Variants in SLC24A2 observed in about 807,000 individuals in gnomAD.
The protein encoded by SLC24A2 is solute carrier family 24 member 2.
In SLC24A2, 36 loss-of-function variants were observed where a neutral mutation model predicts 62.0. That is an observed-to-expected ratio of 0.58 (90% confidence interval 0.44 to 0.77). The LOEUF is 0.77. Among genes scored for constraint, SLC24A2 ranks in the 30% least tolerant of loss-of-function variants. The pLI is 0.00. For missense variants in SLC24A2, 846 were observed against 817.9 expected, an observed-to-expected ratio of 1.03 and a Z score of -0.42; for synonymous variants, 358 against 294.0, an observed-to-expected ratio of 1.22 and a Z score of -2.23.
At chr9:19,702,521 A>T (rs1479601179) in intron 2 of SLC24A2, among the ~76,000 whole-genome samples, 5 of 152,296 alleles carry the variant, frequency 3.3e-5, no homozygotes, top group African/African-American at 9.6e-5. Context: ...TTTAAATTAC[A>T]TTTGAGTATT....
At chr9:19,877,350 G>A in the SLC24A2 span, among the ~76,000 whole-genome samples, 9 of 141,634 alleles carry the variant, frequency 6.4e-5, no homozygotes, top group African/African-American at 2.3e-4. Flanking sequence ...AGTGCCTCTA[G>A]AATCTGTAGG....
chr9:20,180,265 T>A, the SLC24A2 span, among the ~76,000 whole-genome samples: 1 of 152,194 alleles, frequency 6.6e-6, no homozygotes, highest in African/African-American at 2.4e-5. Context: ...ATTCAAGACT[T>A]GCTATTATGA....
At chr9:20,196,899 G>A in the SLC24A2 span, among the ~76,000 whole-genome samples, 2 of 152,114 alleles carry the variant, frequency 1.3e-5, no homozygotes, top group South Asian at 2.1e-4. Flanking sequence ...ATGCATATAT[G>A]CCTTGTATAA....
In SLC24A2 at chr9:19,662,434, T is replaced by C. The variant is rs544182746; in HGVS notation, c.931-40135A>G. 2.0e-5 allele frequency among the ~76,000 whole-genome samples: 3 copies of C among 152,308 alleles called. No individual in the cohort carries two copies. In the East Asian group the frequency reaches 5.8e-4, roughly 29 times the overall value. ...GACAGGGTAGTTCCTGGCACACAAG[T>C]GGACTCAAATACTTGTTGCTTTCAG... On this transcript the variant is annotated intron_variant, in intron 2 of 10. Coordinates refer to ENST00000341998, the MANE Select transcript of SLC24A2 (RefSeq NM_020344.4).
the SLC24A2 span, among the ~76,000 whole-genome samples, chr9:19,994,939 A>G: frequency 5.3e-5 from 8 of 152,224 alleles, no homozygotes; most frequent in South Asian, 4.1e-4. Context: ...TGGAGATATC[A>G]CTAATTAAAA....
At chr9:19,704,397 G>C (rs1820446171) in intron 2 of SLC24A2, among the ~76,000 whole-genome samples, 1 of 136,776 alleles carries the variant, frequency 7.3e-6, no homozygotes, top group African/African-American at 2.9e-5. Flanking sequence ...GGGAAAGAGA[G>C]AGAGAGAGTG....
At chr9:19,851,215 G>T in the SLC24A2 span, among the ~76,000 whole-genome samples, 1 of 149,216 alleles carries the variant, frequency 6.7e-6, no homozygotes, top group Non-Finnish European at 1.5e-5. Context: ...AGTAGAGATG[G>T]GGTTTCACGA....
At chr9:20,013,576 A>G in the SLC24A2 span, among the ~76,000 whole-genome samples, 16 of 152,234 alleles carry the variant, frequency 1.1e-4, no homozygotes, top group Non-Finnish European at 1.6e-4. Context: ...GCATCAAACT[A>G]AAAAGCTTTT....
chr9:20,093,018 T>G, the SLC24A2 span, among the ~76,000 whole-genome samples: 3 of 152,246 alleles, frequency 2.0e-5, no homozygotes, highest in Admixed American at 1.3e-4. Context: ...CTTATGTGAA[T>G]TGTATTTATA....
At chr9:20,152,534 T>C in the SLC24A2 span, among the ~76,000 whole-genome samples, 2 of 151,880 alleles carry the variant, frequency 1.3e-5, no homozygotes, top group African/African-American at 4.8e-5. Flanking sequence ...GGTGTGAACT[T>C]TCCCCATCCA....
At chr9:19,605,147 C>A (rs940443615) in intron 4 of SLC24A2, among the ~76,000 whole-genome samples, 1 of 152,152 alleles carries the variant, frequency 6.6e-6, no homozygotes. Flanking sequence ...GATCTGGTTA[C>A]GCAGGAGGAG....
chr9:20,203,627 T>C, the SLC24A2 span, among the ~76,000 whole-genome samples: 1 of 151,674 alleles, frequency 6.6e-6, no homozygotes, highest in South Asian at 2.1e-4. Context: ...AAGGGTCGCT[T>C]GGGGCCAAGA....
the SLC24A2 span, among the ~76,000 whole-genome samples, chr9:19,882,818 A>G: frequency 2.6e-5 from 4 of 152,190 alleles, no homozygotes; most frequent in Admixed American, 1.3e-4. Flanking sequence ...TAAAAATGTC[A>G]TCTTTTAATA....
At chr9:20,183,835 G>A in the SLC24A2 span, among the ~76,000 whole-genome samples, 1 of 152,152 alleles carries the variant, frequency 6.6e-6, no homozygotes, top group African/African-American at 2.4e-5. Context: ...TCAGAAGAGT[G>A]TAGATCAATG....
chr9:20,045,773 G>A, the SLC24A2 span, among the ~76,000 whole-genome samples: 41 of 152,180 alleles, frequency 2.7e-4, no homozygotes, highest in African/African-American at 7.5e-4. Flanking sequence ...TCTGCTGGCC[G>A]TCCATGCATG....
At chr9:19,580,569 G>T (rs1274953486) in intron 5 of SLC24A2, among the ~76,000 whole-genome samples, 2 of 152,210 alleles carry the variant, frequency 1.3e-5, no homozygotes, top group Non-Finnish European at 2.9e-5. Flanking sequence ...CCTTGGGGTA[G>T]GAAGACATGG....
At chr9:19,636,030 T>A (rs79193160) in intron 2 of SLC24A2, among the ~76,000 whole-genome samples, 1,531 of 152,352 alleles carry the variant, frequency 0.01, 30 homozygotes, top group African/African-American at 0.035. Flanking sequence ...TTATTAAATA[T>A]ATGTAATACA....
At chr9:19,791,630 G>T (rs1258077640), upstream of SLC24A2, among the ~76,000 whole-genome samples, 1 of 152,220 alleles carries the variant, frequency 6.6e-6, no homozygotes, top group Admixed American at 6.5e-5. Context: ...AGCAGGGCCT[G>T]TCATTTGTCC....
chr9:20,193,968 G>A, the SLC24A2 span, among the ~76,000 whole-genome samples: 25 of 152,104 alleles, frequency 1.6e-4, no homozygotes, highest in Non-Finnish European at 3.2e-4. Context: ...TAATCAAATA[G>A]AAGTAGCACA....
Sources: gnomAD v4.1 joint callset for allele counts (sites outside exome capture counted in the v4.1 genomes callset) on GRCh38, gnomAD v4.1.1 for gene constraint, MANE v1.5 for transcripts, NCBI Gene and HGNC (gene_info 2026-07-23, HGNC 2026-07-21) for gene names.